The following POLR3K variants were observed in gnomAD, a reference collection of about 807,000 sequenced individuals.
The protein encoded by POLR3K is RNA polymerase III subunit K.
A neutral mutation model predicts 13.5 loss-of-function variants in POLR3K; 11 were observed. The ratio of observed to expected loss-of-function variants is 0.81; its 90% CI spans 0.51 to 1.35. The LOEUF (loss-of-function observed/expected upper bound fraction) is 1.35. Among genes scored for constraint, POLR3K ranks in the 40% most tolerant of loss-of-function variants. The probability of loss-of-function intolerance (pLI) is 0.00; values close to 1 mark genes in which losing one functional copy is unlikely to be tolerated. For missense variants in POLR3K, 144 were observed against 145.3 expected, an observed-to-expected ratio of 0.99 and a Z score of 0.05; for synonymous variants, 56 against 51.5, an observed-to-expected ratio of 1.09 and a Z score of -0.38.
chr16:51,016 G>A (rs1219793459), intron 2 of POLR3K, among the ~76,000 whole-genome samples: 2 of 152,148 alleles, frequency 1.3e-5, no homozygotes, highest in East Asian at 1.9e-4. Context: ...AGCATGGGGG[G>A]AAACCGCTCC....
At chr16:53,209 C>T (rs1897358696) in intron 1 of POLR3K, 3 of 551,942 alleles carry the variant, frequency 5.4e-6, no homozygotes, top group Non-Finnish European at 8.8e-6. Flanking sequence ...ACCTGCGTGC[C>T]TCAGCTTTAA....
intron 2 of POLR3K, among the ~76,000 whole-genome samples, chr16:49,484 G>T (rs1488163795): frequency 6.8e-6 from 1 of 147,142 alleles, no homozygotes; most frequent in Admixed American, 6.8e-5. Flanking sequence ...CTGACATTAG[G>T]TAAAAAGATT....
chr16:47,938 G>A (rs183055835), intron 2 of POLR3K, among the ~76,000 whole-genome samples: 14 of 137,106 alleles, frequency 1.0e-4, no homozygotes, highest in African/African-American at 3.6e-4. Context: ...ACCCAGGCTG[G>A]AGTGCAGTGG....
chr16:51,238 G>A (rs1299981477), intron 2 of POLR3K, among the ~76,000 whole-genome samples: 2 of 152,018 alleles, frequency 1.3e-5, no homozygotes, highest in Non-Finnish European at 2.9e-5. Context: ...TACCAAGCAC[G>A]GTATAATTCA....
Position 53,593 on chromosome 16 carries a change from G to A in POLR3K, c.-7C>T, listed in dbSNP as rs372156580. 44 of 1,606,952 alleles carry A rather than the reference G, an allele frequency of 2.7e-5. No homozygotes were observed. Among genetic ancestry groups the A allele is most frequent in the Non-Finnish European group, 3.5e-5 (41 of 1,176,972 alleles). ...CGGGGCAGAACAGCAGCATGGTCTC[G>A]AACTCCGCAGGCTCCAACTCCCGGC... On this transcript the variant is annotated 5_prime_UTR_variant, in exon 1 of 3. Transcript: ENST00000293860.
In POLR3K at chr16:53,602, A is replaced by G. The variant is rs779703723; in HGVS notation, c.-16T>C. ...ACAGCAGCATGGTCTCGAACTCCGC[A>G]GGCTCCAACTCCCGGCAGCTCCCAC... is the stretch of plus-strand genomic sequence containing the variant. On this transcript the variant is annotated 5_prime_UTR_variant, in exon 1 of 3. Coordinates refer to ENST00000293860, the MANE Select transcript of POLR3K (RefSeq NM_016310.5). The G allele has an allele frequency of 4.4e-6, 7 of 1,601,372 alleles. No homozygotes were observed. The highest frequency in any genetic ancestry group is 3.3e-5 in the South Asian group (3 of 89,738).
At chr16:53,350 CAGAAAGGGGCGCG>C in intron 1 of POLR3K, 113 bp downstream of exon 1, 1 of 1,438,482 alleles carries the variant, frequency 7.0e-7, no homozygotes. Flanking sequence ...TGCTGCAGAC[CAGAAAGGGGCGCG>C]AGAAAGAGCG....
intron 2 of POLR3K, among the ~76,000 whole-genome samples, chr16:50,434 A>G (rs1447525862): frequency 6.6e-6 from 1 of 152,220 alleles, no homozygotes; most frequent in Admixed American, 6.5e-5. Flanking sequence ...CACTGGTATT[A>G]ACTTCTAAAA....
At chr16:53,123 G>C (rs1299213946) in intron 1 of POLR3K, 1 of 248,524 alleles carries the variant, frequency 4.0e-6, no homozygotes, top group African/African-American at 2.2e-5. Flanking sequence ...GTCGGAACCT[G>C]GTAGGCCCTG....
intron 1 of POLR3K, 103 bp downstream of exon 1, chr16:53,373 G>C (rs1897360840): frequency 6.8e-7 from 1 of 1,460,700 alleles, no homozygotes; most frequent in African/African-American, 1.5e-5. Flanking sequence ...GAGAAAGAGC[G>C]GACAGAGGCA....
At chr16:49,873 C>T (rs575136555) in intron 2 of POLR3K, among the ~76,000 whole-genome samples, 2 of 152,108 alleles carry the variant, frequency 1.3e-5, no homozygotes, top group Non-Finnish European at 2.9e-5. Context: ...GTCTTGACCT[C>T]GTGATCCGCC....
chr16:47,952 G>T (rs374187083), intron 2 of POLR3K, among the ~76,000 whole-genome samples: 1 of 139,820 alleles, frequency 7.2e-6, no homozygotes, highest in African/African-American at 2.7e-5. Flanking sequence ...GCAGTGGGGC[G>T]ATCTCAGCTC....
intron 1 of POLR3K, among the ~76,000 whole-genome samples, chr16:52,383 G>T (rs552002988): frequency 7.1e-6 from 1 of 140,150 alleles, no homozygotes; most frequent in African/African-American, 2.7e-5. Context: ...GGAGGCAGAG[G>T]TTGCAGTGAG....
chr16:49,469 T>C lies in POLR3K; in HGVS notation c.200-1912A>G, dbSNP rs115621754. ...CTGACAGAAATGGCTTCAAACACTC[T>C]ATTTCTGACATTAGGTAAAAAGATT... is the stretch of plus-strand genomic sequence containing the variant. On this transcript the variant is annotated intron_variant, in intron 2 of 2. Coordinates refer to ENST00000293860, the MANE Select transcript of POLR3K (RefSeq NM_016310.5). Among the ~76,000 whole-genome samples, 597 of 151,322 alleles carry C rather than the reference T, an allele frequency of 3.9e-3. 6 individuals are homozygous for C. The highest frequency in any genetic ancestry group is 0.014 in the African/African-American group (565 of 41,304).
rs138884299 is a variant in POLR3K, at chr16:49,338, C to T, written c.200-1781G>A. 1.6e-4 allele frequency among the ~76,000 whole-genome samples: 24 copies of T among 151,754 alleles called. No homozygotes were observed. In the South Asian group the frequency reaches 4.0e-3, roughly 25 times the overall value. On this transcript the variant is annotated intron_variant, in intron 2 of 2. Transcript: ENST00000293860. ...CTGTAATCCCAGCTACTCATGAGGC[C>T]GAGGAAGGAGAATCACTTGAACCTG... is the stretch of plus-strand genomic sequence containing the variant.
intron 2 of POLR3K, among the ~76,000 whole-genome samples, chr16:48,067 T>C (rs1410359601): frequency 6.6e-6 from 1 of 150,954 alleles, no homozygotes; most frequent in Non-Finnish European, 1.5e-5. Flanking sequence ...TTTTTTTGTA[T>C]TTTTAGTAGA....
chr16:48,115 C>T (rs1417257020), intron 2 of POLR3K, among the ~76,000 whole-genome samples: 1 of 151,576 alleles, frequency 6.6e-6, no homozygotes, highest in East Asian at 2.0e-4. Context: ...TGGTCTCGAA[C>T]TCCTGACCTC....
Position 46,473 on chromosome 16 carries a change from C to T in POLR3K, c.*957G>A, listed in dbSNP as rs1897283804. ...GACACAGTGGCTCACGCCTGTAATC[C>T]CAGCACTTTAGGAGGCCGAGGCAGA... On this transcript the variant is annotated 3_prime_UTR_variant, in exon 3 of 3. Coordinates refer to ENST00000293860, the MANE Select transcript of POLR3K (RefSeq NM_016310.5). 1 of 152,004 alleles carries T rather than the reference C, an allele frequency of 6.6e-6. No individual in the cohort carries two copies. Among genetic ancestry groups the T allele is most frequent in the Non-Finnish European group, 1.5e-5 (1 of 68,004 alleles). The allele number at this position is 152,004 out of a possible 1,614,324, so 9.4% of individuals were successfully genotyped here. A position where few individuals can be genotyped will look rare whatever the true frequency, so the allele number is the denominator to read the frequency against.
rs1391158602 is a variant in POLR3K, at chr16:47,623, G to C, written c.200-66C>G. Reference sequence around the variant, plus strand: ...ATGCTACTCATGGCTGTCAAAAGTAGGTATTACTTAATATGTGGGAGGCCA... The same window carrying C: ...ATGCTACTCATGGCTGTCAAAAGTACGTATTACTTAATATGTGGGAGGCCA... On this transcript the variant is annotated intron_variant, in intron 2 of 2. Coordinates refer to ENST00000293860, the MANE Select transcript of POLR3K (RefSeq NM_016310.5). 8 of 1,550,534 alleles carry C rather than the reference G, an allele frequency of 5.2e-6. No homozygotes were observed. The East Asian group carries it at 1.9e-4, about 37-fold the overall frequency.
Sources: gnomAD v4.1 joint callset for allele counts (sites outside exome capture counted in the v4.1 genomes callset) on GRCh38, gnomAD v4.1.1 for gene constraint, MANE v1.5 for transcripts, NCBI Gene and HGNC (gene_info 2026-07-23, HGNC 2026-07-21) for gene names.